Variants in NOS2 observed in about 807,000 individuals in gnomAD.
NOS2 encodes the protein nitric oxide synthase, inducible.
Under a neutral mutation model 136.0 loss-of-function variants are expected in NOS2, and 96 were observed. The ratio of observed to expected loss-of-function variants is 0.71; its 90% CI spans 0.60 to 0.84. The LOEUF (loss-of-function observed/expected upper bound fraction) is 0.84. NOS2 is among the 40% of genes least tolerant of loss of function. The pLI is 0.00. For missense variants in NOS2, 1,237 were observed against 1,496.9 expected (o/e 0.83, Z 2.87); for synonymous variants, 539 against 587.5 (o/e 0.92, Z 1.20).
At chr17:27,773,350 G>T in intron 12 of NOS2, 107 bp from the exon 13 acceptor site, 1 of 771,194 alleles carries the variant, frequency 1.3e-6, no homozygotes, top group Non-Finnish European at 2.2e-6. Context: ...GAGCCTGGGA[G>T]AGAAGGCTGG....
chr17:27,758,285 T>C (rs769129683), intron 26 of NOS2, among the ~76,000 whole-genome samples: 83 of 152,212 alleles, frequency 5.5e-4, no homozygotes, highest in Non-Finnish European at 9.6e-4. Flanking sequence ...CTCTCACATT[T>C]ACTGCTGTGG....
intron 5 of NOS2, among the ~76,000 whole-genome samples, chr17:27,784,621 T>C (rs1404851942): frequency 6.6e-6 from 1 of 152,234 alleles, no homozygotes; most frequent in African/African-American, 2.4e-5. Context: ...TGATAGCCAT[T>C]TTCATATAGT....
intron 6 of NOS2, among the ~76,000 whole-genome samples, chr17:27,782,473 G>A (rs1433820459): frequency 6.6e-6 from 1 of 152,178 alleles, no homozygotes; most frequent in Non-Finnish European, 1.5e-5. Context: ...TACACAGCCA[G>A]AGTTGGTTTC....
chr17:27,771,026 C>T lies in NOS2; in HGVS notation c.1705-9G>A. Reference sequence around the variant, plus strand: ...TTATCCATGCAGACAACCTGGATGGCACCCAAGTGGACATCAGCCCTCGGC... The same window carrying T: ...TTATCCATGCAGACAACCTGGATGGTACCCAAGTGGACATCAGCCCTCGGC... On this transcript the variant is annotated splice_polypyrimidine_tract_variant and intron_variant, in intron 14 of 26. Coordinates refer to ENST00000313735, the MANE Select transcript of NOS2 (RefSeq NM_000625.4). 6.2e-7 allele frequency: 1 copy of T among 1,604,178 alleles called. No individual in the cohort carries two copies. The highest frequency in any genetic ancestry group is 8.5e-7 in the Non-Finnish European group (1 of 1,171,462).
At chr17:27,786,776 A>G (rs889921669) in intron 5 of NOS2, among the ~76,000 whole-genome samples, 1 of 152,170 alleles carries the variant, frequency 6.6e-6, no homozygotes, top group Non-Finnish European at 1.5e-5. Context: ...TAACTTGCCC[A>G]GGGTTACTCA....
chr17:27,779,904 T>C (rs773888321), intron 9 of NOS2, among the ~76,000 whole-genome samples: 3 of 152,242 alleles, frequency 2.0e-5, no homozygotes, highest in African/African-American at 2.4e-5. Flanking sequence ...CACAAATATT[T>C]ATAACTGAGC....
At chr17:27,785,957 CAAAAAAA>C (rs1170004221) in intron 5 of NOS2, among the ~76,000 whole-genome samples, 1,288 of 39,756 alleles carry the variant, frequency 0.032, 12 homozygotes, top group Non-Finnish European at 0.046. Flanking sequence ...GACCGAGTCT[CAAAAAAA>C]AAAAAAAAAA....
rs199579024 is a variant in NOS2, at chr17:27,780,877, C to T, written c.894G>A (p.Lys298=). The T allele has an allele frequency of 1.9e-6, 3 of 1,613,912 alleles. No homozygotes were observed. Among genetic ancestry groups the T allele is most frequent in the Non-Finnish European group, 2.5e-6 (3 of 1,179,904 alleles). Residue 298 remains lysine (K), a synonymous_variant, in exon 9 of 27, where the codon AAG becomes AAA. Coordinates refer to ENST00000313735, the MANE Select transcript of NOS2 (RefSeq NM_000625.4). Reference sequence around the variant, plus strand: ...GGGGGACCACATCGAAGCGGCCGTACTTGGGCTTCCAGCCCAGGTCGATGC... The same window carrying T: ...GGGGGACCACATCGAAGCGGCCGTATTTGGGCTTCCAGCCCAGGTCGATGC... The part of the protein sequence containing the change: ...QLCIDLGWKP[K]YGRFDVVPLV...
chr17:27,760,450 A>G (rs1413497058), intron 24 of NOS2, among the ~76,000 whole-genome samples, 173 bp downstream of exon 24: 1 of 152,220 alleles, frequency 6.6e-6, no homozygotes, highest in African/African-American at 2.4e-5. Flanking sequence ...CCTGGCTACT[A>G]TGCGGGAGAC....
chr17:27,763,058 A>G, intron 21 of NOS2, 53 bp from the exon 22 acceptor site: 1 of 1,204,796 alleles, frequency 8.3e-7, no homozygotes, highest in East Asian at 2.5e-5. Context: ...CGCTTTGGGG[A>G]AAAGACTGTC....
In NOS2 at chr17:27,758,512, T is replaced by G. The variant is rs1247965055; in HGVS notation, c.3354+369A>C. On this transcript the variant is annotated intron_variant, in intron 26 of 26. Transcript: ENST00000313735. ...CCAGCCTGGGTGTAAATAAGAAGTG[T>G]GAGGTTCACACGAGGCTGACGGGGG... 2.0e-5 allele frequency among the ~76,000 whole-genome samples: 3 copies of G among 152,098 alleles called. 1 individual carries two copies. The highest frequency in any genetic ancestry group is 4.4e-5 in the Non-Finnish European group (3 of 67,998).
chr17:27,773,404 G>A (rs563639556), intron 12 of NOS2, among the ~76,000 whole-genome samples, 161 bp from the exon 13 acceptor site: 4 of 152,360 alleles, frequency 2.6e-5, no homozygotes, highest in African/African-American at 9.6e-5. Context: ...AGGGAGGGCC[G>A]TGGCTGCCTC....
chr17:27,762,312 AC>A (rs1908159642), intron 22 of NOS2, among the ~76,000 whole-genome samples: 2 of 152,160 alleles, frequency 1.3e-5, no homozygotes, highest in African/African-American at 4.8e-5. Flanking sequence ...CCAGGCACCC[AC>A]TGAATAGCTG....
rs528601470 is a variant in NOS2 at position 27,781,157 on chromosome 17, G to T, written c.743C>A (p.Pro248His). The T allele has an allele frequency of 3.1e-6, 5 of 1,609,650 alleles. No homozygotes were observed. Among genetic ancestry groups the T allele is most frequent in the Non-Finnish European group, 3.4e-6 (4 of 1,179,956 alleles). The change falls in exon 8 of 27, where the codon CCC becomes CAC. Residue 248 changes from proline (P) to histidine (H), a missense_variant. Physicochemically the swap from Pro to His is moderately conservative, Grantham distance 77 (BLOSUM62 -2). This residue lies in a region of NOS2 where 440 missense variants were observed against 545.4 expected (regional missense o/e 0.81). Coordinates refer to ENST00000313735, the MANE Select transcript of NOS2 (RefSeq NM_000625.4). ...GTCGTGCTTGCCATCACTCCGCTGGGGGAACACGGTGATGGCCGACCTTCC... is the reference window on the plus strand; with the variant it reads ...GTCGTGCTTGCCATCACTCCGCTGGTGGAACACGGTGATGGCCGACCTTCC... The part of the protein sequence containing the change: ...GNIRSAITVF[P>H]QRSDGKHDFR...
intron 4 of NOS2, among the ~76,000 whole-genome samples, chr17:27,788,149 T>C (rs958417941): frequency 1.3e-5 from 2 of 151,650 alleles, no homozygotes; most frequent in African/African-American, 4.9e-5. Context: ...ATGATATTGG[T>C]ATTTGGCCAA....
At chr17:27,767,177 C>T (rs948685410) in intron 18 of NOS2, among the ~76,000 whole-genome samples, 6 of 152,218 alleles carry the variant, frequency 3.9e-5, no homozygotes, top group African/African-American at 1.4e-4. Flanking sequence ...CTTAAATATG[C>T]AGAAACCTTC....
chr17:27,796,614 C>T (rs935444856), intron 2 of NOS2, among the ~76,000 whole-genome samples: 2 of 152,050 alleles, frequency 1.3e-5, no homozygotes, highest in Non-Finnish European at 2.9e-5. Flanking sequence ...GTAGGGTGCT[C>T]GCTCAGAACT....
At position 27,773,243 on chromosome 17, in the gene NOS2, C is replaced by A; in HGVS notation, c.1477G>T (p.Val493Leu). ...CAGACATGGGTTTTCCAGGCCTCTA[C>A]CTTCAGAAAAGAAAGGAGATGTGAG... The part of the protein sequence containing the change: ...YVLSPFYYYQ[V>L]EAWKTHVWQD... Residue 493 changes from valine (V) to leucine (L), a missense_variant and splice_region_variant, in exon 13 of 27, where the codon GTA becomes TTA. Val to Leu is a conservative substitution (Grantham distance 32, BLOSUM62 1). Around this residue, in one of 3 missense-constraint regions of NOS2, gnomAD observed 782 missense variants for 909.9 expected, o/e 0.86. Transcript: ENST00000313735. 7 of 1,612,668 alleles carry A rather than the reference C, an allele frequency of 4.3e-6. No homozygotes were observed. Among genetic ancestry groups the A allele is most frequent in the Non-Finnish European group, 5.9e-6 (7 of 1,179,094 alleles).
intron 13 of NOS2, 37 bp from the exon 14 acceptor site, chr17:27,772,489 G>A (rs202063538): frequency 1.9e-6 from 3 of 1,608,232 alleles, no homozygotes; most frequent in Non-Finnish European, 2.6e-6. Context: ...GCTGTGTGCT[G>A]AGTCAGCCTT....
Sources: gnomAD v4.1 joint callset for allele counts (sites outside exome capture counted in the v4.1 genomes callset) on GRCh38, gnomAD v4.1.1 for gene constraint, gnomAD v4.1.1 regional missense constraint, MANE v1.5 for transcripts, NCBI Gene and HGNC (gene_info 2026-07-23, HGNC 2026-07-21) for gene names.